ETV1: variants seen among roughly 807,000 people sequenced by gnomAD.
ETV1 encodes the protein ETS variant transcription factor 1.
A neutral mutation model predicts 62.3 loss-of-function variants in ETV1; 27 were observed. That is an observed-to-expected ratio of 0.43 (90% confidence interval 0.32 to 0.60). The LOEUF (loss-of-function observed/expected upper bound fraction) is 0.60, where lower values mean the gene tolerates loss of function less well. ETV1 is among the 20% of genes least tolerant of loss of function. The probability of loss-of-function intolerance (pLI) is 0.06; values close to 1 mark genes in which losing one functional copy is unlikely to be tolerated. For synonymous variants in ETV1, 222 were observed against 199.6 expected, an observed-to-expected ratio of 1.11 and a Z score of -0.94; for missense variants, 605 against 605.8, an observed-to-expected ratio of 1.00 and a Z score of 0.01.
At chr7:13,912,981 T>C (rs1488232014) in intron 9 of ETV1, among the ~76,000 whole-genome samples, 1 of 152,236 alleles carries the variant, frequency 6.6e-6, no homozygotes, top group East Asian at 1.9e-4. Flanking sequence ...AGTAATGACT[T>C]GCCCAGAAAA....
intron 6 of ETV1, among the ~76,000 whole-genome samples, chr7:13,955,334 G>A (rs983334491): frequency 1.3e-5 from 2 of 152,162 alleles, no homozygotes; most frequent in African/African-American, 4.8e-5. Context: ...CTCAAAATAA[G>A]GGGAGATGTA....
At chr7:13,911,349 GA>G in intron 9 of ETV1, 42 bp from the exon 10 acceptor site, 1 of 1,406,796 alleles carries the variant, frequency 7.1e-7, no homozygotes, top group Non-Finnish European at 1.0e-6. Flanking sequence ...GTCTGGAGCT[GA>G]AACGCTGCGG....
intron 13 of ETV1, among the ~76,000 whole-genome samples, chr7:13,899,479 A>C (rs377319456): frequency 7.9e-5 from 12 of 152,244 alleles, no homozygotes; most frequent in East Asian, 5.8e-4. Flanking sequence ...ATGTTCTAGG[A>C]AAGTCAACAG....
At chr7:13,952,158 C>T (rs998191358) in intron 6 of ETV1, among the ~76,000 whole-genome samples, 3 of 152,142 alleles carry the variant, frequency 2.0e-5, no homozygotes, top group Non-Finnish European at 4.4e-5. Context: ...GATTAGGAGT[C>T]GAGTAATCTC....
intron 6 of ETV1, among the ~76,000 whole-genome samples, chr7:13,964,213 C>T (rs1041924398): frequency 1.8e-4 from 27 of 152,128 alleles, no homozygotes; most frequent in African/African-American, 6.5e-4. Context: ...AAGTTCACTT[C>T]ACAGCAGGAC....
At chr7:13,931,426 G>C in intron 9 of ETV1, 76 bp downstream of exon 9, 2 of 1,549,324 alleles carry the variant, frequency 1.3e-6, no homozygotes. Context: ...TACCTAGTCT[G>C]ATACCAACAC....
intron 6 of ETV1, among the ~76,000 whole-genome samples, chr7:13,974,710 A>G (rs958723807): frequency 1.6e-4 from 25 of 152,256 alleles, no homozygotes; most frequent in African/African-American, 6.0e-4. Context: ...CTAAGGATAA[A>G]TATCAGGATT....
At chr7:13,920,633 T>A (rs1270018406) in intron 9 of ETV1, among the ~76,000 whole-genome samples, 3 of 152,208 alleles carry the variant, frequency 2.0e-5, no homozygotes, top group Admixed American at 6.5e-5. Context: ...TGCCTTAAAA[T>A]GCAGTCCCTG....
At chr7:13,941,450 T>C (rs548271499) in intron 6 of ETV1, among the ~76,000 whole-genome samples, 1 of 152,296 alleles carries the variant, frequency 6.6e-6, no homozygotes, top group Admixed American at 6.5e-5. Flanking sequence ...AAAATGTTGA[T>C]AAATGGTAAA....
At position 13,964,619 on chromosome 7, in the gene ETV1, C is replaced by G. The variant is rs183769269; in HGVS notation, c.235+12808G>C. 2.0e-5 allele frequency among the ~76,000 whole-genome samples: 3 copies of G among 152,156 alleles called. No individual in the cohort carries two copies. In the East Asian group the frequency reaches 5.8e-4, roughly 29 times the overall value. On this transcript the variant is annotated intron_variant, in intron 6 of 13. Transcript: ENST00000430479. ...ATAAAAATATTGAATTGAAGTCATT[C>G]CTTCATCCAACAAATATACATTTGT...
At chr7:13,980,141 T>C (rs1018013633) in intron 5 of ETV1, among the ~76,000 whole-genome samples, 19 of 152,148 alleles carry the variant, frequency 1.2e-4, no homozygotes, top group African/African-American at 4.1e-4. Context: ...AAAAAACATA[T>C]GACTCACATT....
intron 8 of ETV1, among the ~76,000 whole-genome samples, chr7:13,933,988 A>G (rs973724935): frequency 1.3e-5 from 2 of 152,228 alleles, no homozygotes; most frequent in Non-Finnish European, 2.9e-5. Context: ...TATACAATCT[A>G]TAATTCTGGC....
intron 8 of ETV1, among the ~76,000 whole-genome samples, chr7:13,934,664 C>T (rs537776581): frequency 1.3e-5 from 2 of 152,316 alleles, no homozygotes; most frequent in South Asian, 2.1e-4. Flanking sequence ...AAACTCATCA[C>T]TTTCTAATTA....
chr7:13,924,665 T>C lies in ETV1; in HGVS notation c.802+6837A>G, dbSNP rs1051076468. On this transcript the variant is annotated intron_variant, in intron 9 of 13. Coordinates refer to ENST00000430479, the MANE Select transcript of ETV1 (RefSeq NM_004956.5). ...TATTTCCCTTTAATCTGAACAATTA[T>C]GTAGAAAGACAAATCATGAACTCTT... 2.0e-4 allele frequency among the ~76,000 whole-genome samples: 30 copies of C among 152,328 alleles called. 1 individual carries two copies. Among genetic ancestry groups the C allele is most frequent in the Middle Eastern group, 6.8e-3 (2 of 294 alleles).
chr7:13,980,089 A>C (rs1219049097), intron 5 of ETV1, among the ~76,000 whole-genome samples: 1 of 152,188 alleles, frequency 6.6e-6, no homozygotes, highest in East Asian at 1.9e-4. Flanking sequence ...ATACTGAATA[A>C]ATACTTCACA....
At chr7:13,971,048 G>A (rs543093478) in intron 6 of ETV1, among the ~76,000 whole-genome samples, 35 of 151,874 alleles carry the variant, frequency 2.3e-4, no homozygotes, top group African/African-American at 7.2e-4. Context: ...CTTGGCTCAC[G>A]GCAACCTCTA....
intron 7 of ETV1, 120 bp downstream of exon 7, chr7:13,938,997 A>C (rs1176505816): frequency 7.5e-6 from 7 of 937,226 alleles, no homozygotes; most frequent in Non-Finnish European, 1.1e-5. Flanking sequence ...GCATTACCTA[A>C]TTAGCTTGTT....
intron 6 of ETV1, among the ~76,000 whole-genome samples, chr7:13,967,754 G>A (rs1452755181): frequency 1.3e-4 from 19 of 151,466 alleles, no homozygotes; most frequent in Non-Finnish European, 1.5e-5. Flanking sequence ...ATACAATTAC[G>A]ATGTGAAGGT....
intron 6 of ETV1, among the ~76,000 whole-genome samples, chr7:13,969,142 T>C (rs986654880): frequency 1.3e-5 from 2 of 152,156 alleles, no homozygotes; most frequent in African/African-American, 4.8e-5. Flanking sequence ...GGGTCATCAA[T>C]GCCTTGGCTC....
Sources: allele counts gnomAD v4.1 joint callset (sites outside exome capture counted in the v4.1 genomes callset), GRCh38; gene constraint gnomAD v4.1.1; transcripts MANE v1.5; gene names NCBI Gene and HGNC (gene_info 2026-07-23, HGNC 2026-07-21).